The following FYN variants were observed in gnomAD, a reference collection of about 807,000 sequenced individuals.
FYN encodes the protein tyrosine-protein kinase Fyn.
Under a neutral mutation model 70.2 loss-of-function variants are expected in FYN, and 10 were observed. The ratio of observed to expected loss-of-function variants is 0.14; its 90% CI spans 0.09 to 0.24. The LOEUF is 0.24. Ranked by LOEUF, FYN falls within the 10% of genes least tolerant of loss-of-function variation. The pLI is 1.00. For synonymous variants in FYN, 236 were observed against 248.6 expected, an observed-to-expected ratio of 0.95 and a Z score of 0.48; for missense variants, 319 against 673.1, an observed-to-expected ratio of 0.47 and a Z score of 5.82.
At chr6:111,662,932 C>T (rs1307694718) in intron 13 of FYN, among the ~76,000 whole-genome samples, 4 of 152,214 alleles carry the variant, frequency 2.6e-5, no homozygotes, top group African/African-American at 9.7e-5. Context: ...GCTGTTGAAA[C>T]ACTGGGCTGC....
intron 7 of FYN, among the ~76,000 whole-genome samples, chr6:111,703,376 C>G (rs1206804302): frequency 6.6e-6 from 1 of 152,202 alleles, no homozygotes; most frequent in Non-Finnish European, 1.5e-5. Flanking sequence ...AATGGCTGAG[C>G]TTGCTTCCCT....
intron 2 of FYN, among the ~76,000 whole-genome samples, chr6:111,807,649 A>G (rs1772190563): frequency 6.6e-6 from 1 of 152,148 alleles, no homozygotes. Context: ...CATCCAGTCA[A>G]CTACAAAAGG....
chr6:111,833,316 G>A (rs905639334), intron 2 of FYN, among the ~76,000 whole-genome samples: 2 of 152,224 alleles, frequency 1.3e-5, no homozygotes, highest in Non-Finnish European at 2.9e-5. Flanking sequence ...ACAAAGCATG[G>A]CTGTCAGAAA....
At chr6:111,790,561 C>T (rs1276652504) in intron 2 of FYN, among the ~76,000 whole-genome samples, 2 of 152,314 alleles carry the variant, frequency 1.3e-5, no homozygotes, top group African/African-American at 4.8e-5. Flanking sequence ...GGGCATCTAC[C>T]AGGGGTTCCC....
At chr6:111,737,694 A>G (rs1801768489) in intron 3 of FYN, among the ~76,000 whole-genome samples, 1 of 152,174 alleles carries the variant, frequency 6.6e-6, no homozygotes, top group African/African-American at 2.4e-5. Flanking sequence ...CTGGTGATCA[A>G]CTTAACCTTC....
intron 1 of FYN, among the ~76,000 whole-genome samples, chr6:111,866,035 A>G (rs1774093737): frequency 6.6e-6 from 1 of 152,232 alleles, no homozygotes; most frequent in Admixed American, 6.5e-5. Context: ...TTCCTTACAT[A>G]CACACAATAT....
chr6:111,760,005 C>T (rs1360378779), intron 3 of FYN: 29 of 151,348 alleles, frequency 1.9e-4, no homozygotes, highest in African/African-American at 7.0e-4. Context: ...TTTTTCTGGG[C>T]CTCTGTCCAG....
intron 6 of FYN, among the ~76,000 whole-genome samples, chr6:111,705,553 A>AT (rs1222007869): frequency 2.0e-5 from 3 of 151,838 alleles, no homozygotes; most frequent in Non-Finnish European, 4.4e-5. Flanking sequence ...AACTAAAAAA[A>AT]TTTTTTTTGT....
At chr6:111,791,270 A>C (rs1771611520) in intron 2 of FYN, among the ~76,000 whole-genome samples, 1 of 152,254 alleles carries the variant, frequency 6.6e-6, no homozygotes, top group Admixed American at 6.5e-5. Flanking sequence ...ACTTATGCAA[A>C]GGTGACAATG....
chr6:111,717,082 C>A (rs187463612), intron 4 of FYN, among the ~76,000 whole-genome samples: 1 of 152,086 alleles, frequency 6.6e-6, no homozygotes, highest in Non-Finnish European at 1.5e-5. Context: ...CTGCGCCTGG[C>A]CGAGATTTAA....
chr6:111,700,906 G>C (rs971090639), intron 8 of FYN, among the ~76,000 whole-genome samples: 11 of 151,838 alleles, frequency 7.2e-5, no homozygotes, highest in African/African-American at 2.2e-4. Flanking sequence ...ACTTTTTTTA[G>C]TGATTTCTTC....
intron 2 of FYN, chr6:111,813,904 G>A (rs9374294): frequency 0.044 from 6,637 of 152,246 alleles, 171 homozygotes; most frequent in East Asian, 0.14. Flanking sequence ...CTAAGTTCCC[G>A]TGGCTCTGAC....
At chr6:111,735,804 AATC>A (rs1284576329) in intron 3 of FYN, among the ~76,000 whole-genome samples, 2 of 152,206 alleles carry the variant, frequency 1.3e-5, no homozygotes, top group African/African-American at 4.8e-5. Context: ...ATACCTCACA[AATC>A]ATCCCCAACT....
chr6:111,853,078 A>C (rs990518856), intron 1 of FYN, among the ~76,000 whole-genome samples: 5 of 151,356 alleles, frequency 3.3e-5, no homozygotes, highest in African/African-American at 1.2e-4. Context: ...TCCCCAAATC[A>C]CCCAGAGCAG....
In FYN at chr6:111,721,928, T is replaced by A. The variant is rs539138370; in HGVS notation, c.-11-1866A>T. 3.5e-4 allele frequency among the ~76,000 whole-genome samples: 53 copies of A among 152,194 alleles called. 1 individual carries two copies. The highest frequency in any genetic ancestry group is 3.1e-3 in the Admixed American group (47 of 15,294). On this transcript the variant is annotated intron_variant, in intron 3 of 13. Coordinates refer to ENST00000354650, the MANE Select transcript of FYN (RefSeq NM_002037.5). ...ACCAAAGAATCACATAAGAAACACATGCCATCATGTGTAATAACATTTATT... is the reference window on the plus strand; with the variant it reads ...ACCAAAGAATCACATAAGAAACACAAGCCATCATGTGTAATAACATTTATT...
At chr6:111,750,717 ATTTTT>A (rs71759856) in intron 3 of FYN, among the ~76,000 whole-genome samples, 10 of 130,746 alleles carry the variant, frequency 7.6e-5, no homozygotes, top group Admixed American at 6.8e-4. Context: ...AATTCATGTC[ATTTTT>A]TTTTTTTTTT....
At chr6:111,776,408 TG>T (rs1182486342) in intron 3 of FYN, among the ~76,000 whole-genome samples, 12 of 152,206 alleles carry the variant, frequency 7.9e-5, no homozygotes, top group African/African-American at 2.9e-4. Flanking sequence ...TGTTGCTGAA[TG>T]CCTCCAAATC....
At chr6:111,846,917 T>C (rs908898759) in intron 1 of FYN, among the ~76,000 whole-genome samples, 3 of 151,520 alleles carry the variant, frequency 2.0e-5, no homozygotes, top group Non-Finnish European at 4.4e-5. Context: ...CACACACACA[T>C]ACACACACAC....
At chr6:111,669,387 A>G (rs1272749766) in intron 13 of FYN, among the ~76,000 whole-genome samples, 1 of 139,368 alleles carries the variant, frequency 7.2e-6, no homozygotes, top group African/African-American at 2.6e-5. Flanking sequence ...GTGAACCGAG[A>G]TCATGCCACT....
Sources: gnomAD v4.1 joint callset for allele counts (sites outside exome capture counted in the v4.1 genomes callset) on GRCh38, gnomAD v4.1.1 for gene constraint, MANE v1.5 for transcripts, NCBI Gene and HGNC (gene_info 2026-07-23, HGNC 2026-07-21) for gene names.